Variants in RGPD4 observed in about 807,000 individuals in gnomAD.
RGPD4 encodes the protein RANBP2 like and GRIP domain containing 4.
RGPD4 carries 84 observed loss-of-function variants against 141.1 expected under a neutral mutation model. The observed-to-expected ratio is 0.60, with a 90% CI of 0.50 to 0.71. The LOEUF is 0.71. Among genes scored for constraint, RGPD4 ranks in the 30% least tolerant of loss-of-function variants. The pLI is 0.00. For synonymous variants in RGPD4, 298 were observed against 566.8 expected (o/e 0.53, Z 6.74); for missense variants, 918 against 1,622.4 (o/e 0.57, Z 7.46).
chr2:107,866,011 G>A (rs1268300808), intron 17 of RGPD4, among the ~76,000 whole-genome samples, 179 bp from the exon 18 acceptor site: 10 of 85,016 alleles, frequency 1.2e-4, no homozygotes, highest in African/African-American at 1.0e-4. Context: ...TGGAGGTTGC[G>A]GTGAGCCAAG....
intron 1 of RGPD4, among the ~76,000 whole-genome samples, chr2:107,831,614 C>G (rs1345291951): frequency 9.6e-6 from 1 of 103,754 alleles, no homozygotes; most frequent in East Asian, 2.8e-4. Flanking sequence ...CTCGCTCTAT[C>G]GTCCAGGCTG....
intron 1 of RGPD4, among the ~76,000 whole-genome samples, chr2:107,827,878 A>T: frequency 9.4e-5 from 1 of 10,628 alleles, no homozygotes; most frequent in Admixed American, 5.4e-4. Context: ...CTGTTGAGGC[A>T]GCGGCCTCGA....
Position 107,859,761 on chromosome 2 carries a change from T to C in RGPD4, c.1674T>C (p.His558=). 1 of 1,610,934 alleles carries C rather than the reference T, an allele frequency of 6.2e-7. No homozygotes were observed. The highest frequency in any genetic ancestry group is 2.2e-5 in the East Asian group (1 of 44,854). ...NSAKLRLLVQ[H]EINTLRAQEK... is the part of the protein sequence containing the mutation. ...CAAAATTGAGACTTTTAGTTCAGCA[T>C]GAAATAAACACTCTAAGAGCCCAGG... The change falls in exon 12 of 23, where the codon CAT becomes CAC. Residue 558 remains histidine, a synonymous_variant. Coordinates refer to ENST00000408999, the MANE Select transcript of RGPD4 (RefSeq NM_182588.3).
At chr2:107,870,668 T>C in intron 19 of RGPD4, 37 bp from the exon 20 acceptor site, 3 of 1,512,194 alleles carry the variant, frequency 2.0e-6, no homozygotes, top group South Asian at 1.2e-5. Flanking sequence ...ATTTTGGGCA[T>C]GTGGATCAAG....
At position 107,870,963 on chromosome 2, in the gene RGPD4, G is replaced by C. The variant is rs1682886094; in HGVS notation, c.2959G>C (p.Gly987Arg). The stretch of plus-strand genomic sequence containing the variant: ...AACTTCAGGAGAAGGATTTCAGTTT[G>C]GCAAAAAAGACCCCAATTTCAAGGG... ...KSTSGEGFQF[G>R]KKDPNFKGFS... is the part of the protein sequence containing the mutation. The change falls in exon 20 of 23, where the codon GGC becomes CGC. Residue 987 changes from glycine (G) to arginine (R), a missense_variant. By Grantham distance (125) the Gly-to-Arg change is moderately radical (BLOSUM62 -2). Coordinates refer to ENST00000408999, the MANE Select transcript of RGPD4 (RefSeq NM_182588.3). 6.2e-7 allele frequency: 1 copy of C among 1,609,786 alleles called. No individual in the cohort carries two copies. Among genetic ancestry groups the C allele is most frequent in the Non-Finnish European group, 8.5e-7 (1 of 1,179,324 alleles).
At chr2:107,885,361 A>G (rs1001745543) in intron 22 of RGPD4, among the ~76,000 whole-genome samples, 7 of 152,202 alleles carry the variant, frequency 4.6e-5, no homozygotes, top group Non-Finnish European at 1.5e-5. Context: ...AGTTTTCAAT[A>G]CAACAATGAT....
chr2:107,863,726 C>G (rs1682636709), intron 17 of RGPD4, among the ~76,000 whole-genome samples: 1 of 152,020 alleles, frequency 6.6e-6, no homozygotes, highest in South Asian at 2.1e-4. Flanking sequence ...CTTCTGACCT[C>G]AGGCGATCTG....
chr2:107,859,784 A>C lies in RGPD4; in HGVS notation c.1697A>C (p.Gln566Pro), dbSNP rs1463526061. ...CATGAAATAAACACTCTAAGAGCCC[A>C]GGAAAAACATGGCCTTCAACCTGCT... ...VQHEINTLRA[Q>P]EKHGLQPALL... The change falls in exon 12 of 23, where the codon CAG (glutamine) becomes CCG (proline). Residue 566 changes from glutamine (Q) to proline (P), a missense_variant. Coordinates refer to ENST00000408999, the MANE Select transcript of RGPD4 (RefSeq NM_182588.3). 1 of 1,610,682 alleles carries C rather than the reference A, an allele frequency of 6.2e-7. No homozygotes were observed. Among genetic ancestry groups the C allele is most frequent in the Non-Finnish European group, 8.5e-7 (1 of 1,179,794 alleles).
chr2:107,879,958 C>T lies in RGPD4; in HGVS notation c.4925-10C>T. On this transcript the variant is annotated splice_polypyrimidine_tract_variant and intron_variant, in intron 20 of 22. Transcript: ENST00000408999. ...TTTTGAAAATTAATTCTTGGAACAA[C>T]ATGTTGCAGAGCCTCCATTATGGCA... 5 of 1,610,922 alleles carry T rather than the reference C, an allele frequency of 3.1e-6. No homozygotes were observed. In the South Asian group the frequency reaches 4.4e-5, roughly 14 times the overall value.
chr2:107,888,396 G>A (rs1675566252), intron 22 of RGPD4, among the ~76,000 whole-genome samples: 1 of 151,622 alleles, frequency 6.6e-6, no homozygotes, highest in Non-Finnish European at 1.5e-5. Flanking sequence ...TTAGGGAAAT[G>A]TTTACAGTCA....
chr2:107,827,719 CG>C (rs1453163838), intron 1 of RGPD4, among the ~76,000 whole-genome samples: 1 of 53,734 alleles, frequency 1.9e-5, no homozygotes, highest in Non-Finnish European at 3.8e-5. Flanking sequence ...CCTGGCCCGG[CG>C]GCGGCCTCGA....
intron 7 of RGPD4, among the ~76,000 whole-genome samples, chr2:107,849,533 ATT>A (rs59026536): frequency 8.2e-3 from 72 of 8,744 alleles, no homozygotes; most frequent in African/African-American, 0.032. Context: ...CACCTGGCTA[ATT>A]TTTTTTTTGT....
intron 7 of RGPD4, among the ~76,000 whole-genome samples, chr2:107,854,008 C>G (rs74587143): frequency 0.086 from 12,372 of 144,446 alleles, 626 homozygotes; most frequent in African/African-American, 0.14. Context: ...CTTGGCCTCC[C>G]AAAGTGCTGG....
intron 7 of RGPD4, among the ~76,000 whole-genome samples, 180 bp from the exon 8 acceptor site, chr2:107,854,372 CCTAT>C (rs1446977668): frequency 1.3e-5 from 2 of 151,832 alleles, no homozygotes; most frequent in African/African-American, 4.8e-5. Context: ...CTGTACCTGG[CCTAT>C]CTTTCATAGG....
rs752755801 is a variant in RGPD4 at position 107,827,001 on chromosome 2, G to C, written c.-13G>C. 1.7e-5 allele frequency: 27 copies of C among 1,595,712 alleles called. No homozygotes were observed. The highest frequency in any genetic ancestry group is 2.3e-5 in the East Asian group (1 of 44,166). ...CTGGTTTCACGCGTCTCGGGAGCCA[G>C]GTTGGTGGCGCGATGAGTTGCAGCA... On this transcript the variant is annotated 5_prime_UTR_variant, in exon 1 of 23. Transcript: ENST00000408999.
In RGPD4 at chr2:107,849,714, G is replaced by C. The variant is rs1456568536; in HGVS notation, c.978+1178G>C. Reference sequence around the variant, plus strand: ...TAATGAGCCTGCATAACTTTTGAAAGGAAAAGAAATAAGCAGTCTTCCAAA... The same window carrying C: ...TAATGAGCCTGCATAACTTTTGAAACGAAAAGAAATAAGCAGTCTTCCAAA... On this transcript the variant is annotated intron_variant, in intron 7 of 22. Coordinates refer to ENST00000408999, the MANE Select transcript of RGPD4 (RefSeq NM_182588.3). Among the ~76,000 whole-genome samples the C allele has an allele frequency of 5.3e-5, 4 of 76,020 alleles. No homozygotes were observed. The East Asian group carries it at 1.0e-3, about 20-fold the overall frequency. 49.9% of individuals were successfully genotyped at this position (76,020 alleles called of 152,430 possible).
At chr2:107,870,004 ATAAT>A in intron 19 of RGPD4, 27 bp downstream of exon 19, 2 of 1,035,114 alleles carry the variant, frequency 1.9e-6, no homozygotes, top group South Asian at 4.2e-5. Context: ...TTATACATTT[ATAAT>A]TATTTCCTTT....
intron 1 of RGPD4, among the ~76,000 whole-genome samples, chr2:107,831,338 A>T (rs1161308905): frequency 1.8e-4 from 23 of 128,080 alleles, no homozygotes; most frequent in East Asian, 1.4e-3. Context: ...TTTTATTTAT[A>T]TTTTTTTTAG....
intron 18 of RGPD4, among the ~76,000 whole-genome samples, chr2:107,866,877 C>G (rs1220713119): frequency 3.4e-5 from 5 of 147,604 alleles, no homozygotes; most frequent in Non-Finnish European, 3.0e-5. Flanking sequence ...TTACTATGAG[C>G]ATTTGTGTAT....
Sources: gnomAD v4.1 joint callset for allele counts (sites outside exome capture counted in the v4.1 genomes callset) on GRCh38, gnomAD v4.1.1 for gene constraint, MANE v1.5 for transcripts, NCBI Gene and HGNC (gene_info 2026-07-23, HGNC 2026-07-21) for gene names.